Variants in AGBL4 observed in about 807,000 individuals in gnomAD.
AGBL4 encodes the protein AGBL carboxypeptidase 4.
In AGBL4, 58 loss-of-function variants were observed where a neutral mutation model predicts 66.4. The observed-to-expected ratio is 0.87, with a 90% CI of 0.71 to 1.09. AGBL4 has a LOEUF of 1.09. Among genes scored for constraint, AGBL4 ranks in the 50% least tolerant of loss-of-function variants. The pLI, the probability that AGBL4 is intolerant of heterozygous loss-of-function variation, is 0.00. For synonymous variants in AGBL4, 234 were observed against 222.9 expected, an observed-to-expected ratio of 1.05 and a Z score of -0.44; for missense variants, 579 against 631.0, an observed-to-expected ratio of 0.92 and a Z score of 0.88.
chr1:48,622,111 C>T (rs1484951496), intron 9 of AGBL4, among the ~76,000 whole-genome samples: 1 of 152,146 alleles, frequency 6.6e-6, no homozygotes, highest in Non-Finnish European at 1.5e-5. Flanking sequence ...TGCCCCTTCT[C>T]CACATGCTCT....
intron 5 of AGBL4, among the ~76,000 whole-genome samples, chr1:48,961,785 C>A (rs1658009486): frequency 6.6e-6 from 1 of 152,212 alleles, no homozygotes; most frequent in Non-Finnish European, 1.5e-5. Flanking sequence ...CAATATGAAC[C>A]TTTTCCAGAG....
intron 6 of AGBL4, among the ~76,000 whole-genome samples, chr1:48,823,143 A>G (rs541039078): frequency 6.6e-6 from 1 of 152,344 alleles, no homozygotes; most frequent in African/African-American, 2.4e-5. Flanking sequence ...TATTCACTAC[A>G]TGTTTATTTA....
chr1:49,475,028 A>C (rs1406752576), intron 3 of AGBL4, among the ~76,000 whole-genome samples: 2 of 152,048 alleles, frequency 1.3e-5, no homozygotes. Context: ...TCTTAGGAGA[A>C]ATGTTTCCAG....
In AGBL4 at chr1:49,908,674, T is replaced by TC. The variant is rs1259388296; in HGVS notation, c.35-57157dup. Among the ~76,000 whole-genome samples, 6 of 152,044 alleles carry TC rather than the reference T, an allele frequency of 3.9e-5. No individual in the cohort carries two copies. The East Asian group carries it at 1.2e-3, about 30-fold the overall frequency. The stretch of plus-strand genomic sequence containing the variant: ...TGGGCATGGTTGCAAGTGCCTGTAG[T>TC]CCTAGCTACTTGGGAGGCTAATGTG... On this transcript the variant is annotated intron_variant, in intron 1 of 13. Coordinates refer to ENST00000371839, the MANE Select transcript of AGBL4 (RefSeq NM_032785.4).
Position 48,587,215 on chromosome 1 carries a change from T to C in AGBL4, c.1105-49A>G, listed in dbSNP as rs747837801. 1.5e-5 allele frequency: 23 copies of C among 1,511,898 alleles called. No homozygotes were observed. The South Asian group carries it at 2.6e-4, about 17-fold the overall frequency. The allele number at this position is 1,511,898 out of a possible 1,614,324, so 93.7% of individuals were successfully genotyped here. On this transcript the variant is annotated intron_variant, in intron 10 of 13. Transcript: ENST00000371839. ...AGAGAATCACGGCACCTGCTGCAAA[T>C]TGGATTGTGGGCAAATTTTACAACA...
chr1:49,101,689 G>A (rs1462033721), intron 4 of AGBL4, among the ~76,000 whole-genome samples: 1 of 152,110 alleles, frequency 6.6e-6, no homozygotes, highest in African/African-American at 2.4e-5. Context: ...GTATTGATTT[G>A]TGTCTGTGTT....
chr1:49,626,312 G>T (rs954045841), intron 3 of AGBL4, among the ~76,000 whole-genome samples: 1 of 152,126 alleles, frequency 6.6e-6, no homozygotes, highest in African/African-American at 2.4e-5. Flanking sequence ...AGCAGATCCA[G>T]TAGTGACAAG....
chr1:49,106,868 T>C (rs758807196), intron 4 of AGBL4, among the ~76,000 whole-genome samples: 5 of 152,204 alleles, frequency 3.3e-5, no homozygotes, highest in African/African-American at 4.8e-5. Flanking sequence ...ACAACTTTAC[T>C]AGCAAAAGTG....
intron 5 of AGBL4, among the ~76,000 whole-genome samples, chr1:48,965,192 G>A (rs910183773): frequency 2.0e-5 from 3 of 152,118 alleles, no homozygotes; most frequent in Non-Finnish European, 2.9e-5. Flanking sequence ...AAGACATTCT[G>A]TACTAGGAAA....
chr1:48,862,337 A>T (rs1934390), intron 6 of AGBL4, among the ~76,000 whole-genome samples: 137,011 of 152,236 alleles, frequency 0.9, 62,041 homozygotes, highest in Non-Finnish European at 0.96. Context: ...ACTTTAAAAA[A>T]TTTTTTATAT....
intron 1 of AGBL4, among the ~76,000 whole-genome samples, chr1:49,884,739 T>C (rs1429417802): frequency 6.6e-6 from 1 of 151,828 alleles, no homozygotes; most frequent in Non-Finnish European, 1.5e-5. Context: ...AATGTTATTA[T>C]TATTATATGC....
At chr1:48,641,989 C>T (rs1402993999) in intron 8 of AGBL4, among the ~76,000 whole-genome samples, 1 of 152,048 alleles carries the variant, frequency 6.6e-6, no homozygotes, top group African/African-American at 2.4e-5. Context: ...AAAGGTGCTA[C>T]CCCCTACCAC....
At chr1:49,558,990 C>A (rs925375776) in intron 3 of AGBL4, among the ~76,000 whole-genome samples, 10 of 152,272 alleles carry the variant, frequency 6.6e-5, no homozygotes, top group African/African-American at 2.2e-4. Context: ...TACCTCTGGA[C>A]CCTCCTGGGG....
At chr1:49,280,497 T>G (rs1039236218) in intron 3 of AGBL4, among the ~76,000 whole-genome samples, 8 of 152,086 alleles carry the variant, frequency 5.3e-5, no homozygotes, top group Non-Finnish European at 1.2e-4. Context: ...TGGGTCCCAC[T>G]AGAAATAAAC....
intron 1 of AGBL4, among the ~76,000 whole-genome samples, chr1:49,962,641 G>A (rs1657211705): frequency 6.6e-6 from 1 of 152,094 alleles, no homozygotes; most frequent in Non-Finnish European, 1.5e-5. Flanking sequence ...TGGATATTTA[G>A]AATACAATAG....
intron 3 of AGBL4, among the ~76,000 whole-genome samples, chr1:49,323,547 T>A (rs914651021): frequency 4.0e-5 from 6 of 149,878 alleles, no homozygotes; most frequent in Non-Finnish European, 8.9e-5. Context: ...TCCGCCCGTC[T>A]CAGCCTCCCT....
chr1:49,947,952 A>ATATATATATAAATATATATT (rs1491283025), intron 1 of AGBL4, among the ~76,000 whole-genome samples: 4 of 47,344 alleles, frequency 8.4e-5, no homozygotes, highest in African/African-American at 3.4e-4. Context: ...AATAGCTGCA[A>ATATATATATAAATATATATT]TATATATATA....
chr1:49,490,419 T>A (rs1340530495), intron 3 of AGBL4, among the ~76,000 whole-genome samples: 1 of 151,738 alleles, frequency 6.6e-6, no homozygotes, highest in Non-Finnish European at 1.5e-5. Context: ...TCCTACATAT[T>A]GCTGGATTTT....
chr1:49,690,685 G>A (rs1042469470), intron 3 of AGBL4, among the ~76,000 whole-genome samples: 1 of 152,080 alleles, frequency 6.6e-6, no homozygotes, highest in Non-Finnish European at 1.5e-5. Flanking sequence ...GTAAATTTTA[G>A]CTATTAATGT....
Sources: allele counts gnomAD v4.1 joint callset (sites outside exome capture counted in the v4.1 genomes callset), GRCh38; gene constraint gnomAD v4.1.1; transcripts MANE v1.5; gene names NCBI Gene and HGNC (gene_info 2026-07-23, HGNC 2026-07-21).